Variants in MLLT10 observed in about 807,000 individuals in gnomAD.
MLLT10 encodes the protein protein AF-10.
In MLLT10, 30 loss-of-function variants were observed where a neutral mutation model predicts 129.1. That is an observed-to-expected ratio of 0.23 (90% CI 0.17 to 0.32). The LOEUF is 0.32. MLLT10 is among the 10% of genes least tolerant of loss of function. The probability of loss-of-function intolerance (pLI) is 1.00; values close to 1 mark genes in which losing one functional copy is unlikely to be tolerated. For missense variants in MLLT10, 1,119 were observed against 1,268.3 expected (o/e 0.88, Z 1.79); for synonymous variants, 490 against 446.4 (o/e 1.10, Z -1.23).
At chr10:21,741,290 A>G (rs1004012157) in intron 22 of MLLT10, among the ~76,000 whole-genome samples, 1 of 151,930 alleles carries the variant, frequency 6.6e-6, no homozygotes, top group Non-Finnish European at 1.5e-5. Context: ...CCAGTGTTTC[A>G]CCAAGTGTTT....
chr10:21,695,739 A>G (rs1460669416), intron 13 of MLLT10, among the ~76,000 whole-genome samples: 2 of 152,158 alleles, frequency 1.3e-5, no homozygotes, highest in African/African-American at 4.8e-5. Context: ...ATATCCCTTC[A>G]GAAAAGTTTG....
intron 13 of MLLT10, among the ~76,000 whole-genome samples, chr10:21,692,758 A>T (rs2053996862): frequency 6.6e-6 from 1 of 151,946 alleles, no homozygotes; most frequent in Non-Finnish European, 1.5e-5. Flanking sequence ...AAGTGCTGGG[A>T]TTACAGGCAT....
At chr10:21,711,095 C>T (rs767140922) in intron 13 of MLLT10, among the ~76,000 whole-genome samples, 5 of 152,068 alleles carry the variant, frequency 3.3e-5, no homozygotes, top group Non-Finnish European at 7.4e-5. Context: ...TTCCTCAAAC[C>T]GTCCTTCACC....
chr10:21,642,787 T>A (rs1564563491), intron 8 of MLLT10, among the ~76,000 whole-genome samples: 1 of 152,234 alleles, frequency 6.6e-6, no homozygotes, highest in Non-Finnish European at 1.5e-5. Context: ...CTCATCCATG[T>A]TCACCTCTGG....
chr10:21,535,350 C>T (rs991107360), intron 2 of MLLT10, among the ~76,000 whole-genome samples: 4 of 152,064 alleles, frequency 2.6e-5, no homozygotes, highest in Non-Finnish European at 5.9e-5. Context: ...ATGCGGGGCC[C>T]GTTGCACCCC....
At chr10:21,645,573 T>A (rs1027882540) in intron 8 of MLLT10, among the ~76,000 whole-genome samples, 2 of 152,242 alleles carry the variant, frequency 1.3e-5, no homozygotes, top group African/African-American at 4.8e-5. Context: ...GGCTTTCTGA[T>A]GAACTTGTCT....
chr10:21,540,788 A>G (rs1247993874), intron 3 of MLLT10, among the ~76,000 whole-genome samples: 1 of 152,196 alleles, frequency 6.6e-6, no homozygotes, highest in Non-Finnish European at 1.5e-5. Flanking sequence ...GAAGGTAGAG[A>G]ACAAACATTT....
At chr10:21,657,716 C>T (rs1401046674) in intron 9 of MLLT10, among the ~76,000 whole-genome samples, 1 of 152,074 alleles carries the variant, frequency 6.6e-6, no homozygotes, top group East Asian at 1.9e-4. Flanking sequence ...ACCAGAGATA[C>T]GTGATCAGGT....
intron 14 of MLLT10, among the ~76,000 whole-genome samples, chr10:21,723,682 G>A (rs574626977): frequency 6.6e-6 from 1 of 152,238 alleles, no homozygotes; most frequent in East Asian, 1.9e-4. Flanking sequence ...TCTCTGCCCT[G>A]TCCTGTGGTC....
At chr10:21,710,086 T>C (rs186469892) in intron 13 of MLLT10, among the ~76,000 whole-genome samples, 1 of 152,344 alleles carries the variant, frequency 6.6e-6, no homozygotes, top group East Asian at 1.9e-4. Flanking sequence ...TTCTCTATCT[T>C]AGTTTTCTAA....
intron 5 of MLLT10, among the ~76,000 whole-genome samples, chr10:21,600,514 A>G (rs1336942387): frequency 6.6e-6 from 1 of 152,118 alleles, no homozygotes; most frequent in Non-Finnish European, 1.5e-5. Flanking sequence ...GTGTCTACAA[A>G]TTGTTCACTG....
intron 20 of MLLT10, 53 bp from the exon 21 acceptor site, chr10:21,735,086 A>G (rs2058254131): frequency 1.5e-6 from 2 of 1,307,468 alleles, no homozygotes; most frequent in Non-Finnish European, 2.2e-6. Flanking sequence ...TTAGACTTCT[A>G]AAAATGCATT....
chr10:21,696,995 A>T (rs545380724), intron 13 of MLLT10, among the ~76,000 whole-genome samples: 1 of 148,396 alleles, frequency 6.7e-6, no homozygotes, highest in East Asian at 2.0e-4. Context: ...ACATGAGTTG[A>T]CTCCCTAGCT....
chr10:21,629,931 T>G (rs554452046), intron 8 of MLLT10, among the ~76,000 whole-genome samples: 5 of 152,308 alleles, frequency 3.3e-5, no homozygotes, highest in African/African-American at 1.2e-4. Flanking sequence ...CATTGCATTC[T>G]AGCCTTGACA....
chr10:21,573,863 C>T (rs1360951231), intron 3 of MLLT10, among the ~76,000 whole-genome samples: 1 of 152,100 alleles, frequency 6.6e-6, no homozygotes, highest in Non-Finnish European at 1.5e-5. Context: ...CACAACTGGC[C>T]TATTCTTCTT....
chr10:21,708,996 T>G (rs2055813074), intron 13 of MLLT10, among the ~76,000 whole-genome samples: 1 of 152,188 alleles, frequency 6.6e-6, no homozygotes, highest in Admixed American at 6.5e-5. Flanking sequence ...GCCATTATCT[T>G]TGTTTTATAG....
At chr10:21,542,067 T>G (rs1588796648) in intron 3 of MLLT10, among the ~76,000 whole-genome samples, 2 of 152,144 alleles carry the variant, frequency 1.3e-5, no homozygotes, top group East Asian at 3.9e-4. Context: ...GACAATGAGA[T>G]GAGGCTGTTC....
At chr10:21,735,461 AAC>A (rs2058285625) in intron 21 of MLLT10, among the ~76,000 whole-genome samples, 2 of 152,322 alleles carry the variant, frequency 1.3e-5, no homozygotes, top group South Asian at 2.1e-4. Flanking sequence ...AGGCTCTGGT[AAC>A]ACAGTGCTGA....
chr10:21,587,005 AT>A lies in MLLT10; in HGVS notation c.295+659del, dbSNP rs1319842990. On this transcript the variant is annotated intron_variant, in intron 4 of 22. Coordinates refer to ENST00000307729, the MANE Select transcript of MLLT10 (RefSeq NM_001195626.3). ...TTAGACCTAAAATCTGTTGTTTTAG[AT>A]TCTTTTTTTCTGTTTTGTGTATCTC... is the stretch of plus-strand genomic sequence containing the variant. Among the ~76,000 whole-genome samples the A allele has an allele frequency of 7.3e-5, 11 of 150,764 alleles. No homozygotes were observed. In the South Asian group the frequency reaches 1.7e-3, roughly 23 times the overall value.
Sources: gnomAD v4.1 joint callset for allele counts (sites outside exome capture counted in the v4.1 genomes callset) on GRCh38, gnomAD v4.1.1 for gene constraint, MANE v1.5 for transcripts, NCBI Gene and HGNC (gene_info 2026-07-23, HGNC 2026-07-21) for gene names.